The following ASH1L variants were observed in gnomAD, a reference collection of about 807,000 sequenced individuals.
ASH1L encodes the protein ASH1 like histone lysine methyltransferase, also known as histone-lysine N-methyltransferase ASH1L.
ASH1L carries 23 observed loss-of-function variants against 269.0 expected under a neutral mutation model. The observed-to-expected ratio is 0.09, with a 90% CI of 0.06 to 0.12. The LOEUF (loss-of-function observed/expected upper bound fraction) is 0.12. ASH1L is among the 10% of genes least tolerant of loss of function. The pLI is 1.00. For synonymous variants in ASH1L, 1,187 were observed against 1,253.5 expected (o/e 0.95, Z 1.12); for missense variants, 2,912 against 3,567.8 (o/e 0.82, Z 4.68).
chr1:155,458,480 T>G (rs914943150), intron 4 of ASH1L, among the ~76,000 whole-genome samples: 3 of 152,192 alleles, frequency 2.0e-5, no homozygotes, highest in Admixed American at 6.5e-5. Context: ...TTTTGGAGGC[T>G]GAGGCCGGCA....
intron 4 of ASH1L, among the ~76,000 whole-genome samples, chr1:155,450,572 A>G (rs1663390083): frequency 6.6e-6 from 1 of 152,222 alleles, no homozygotes; most frequent in South Asian, 2.1e-4. Context: ...GAAGTTGAAA[A>G]AACTGGAACA....
chr1:155,439,108 A>G (rs1390034086), intron 4 of ASH1L, 40 bp from the exon 5 acceptor site: 6 of 1,544,418 alleles, frequency 3.9e-6, no homozygotes, highest in Non-Finnish European at 5.2e-6. Context: ...AAAATTGGAC[A>G]CGGCTAGTTA....
At chr1:155,559,836 C>T (rs1671838916) in intron 1 of ASH1L, among the ~76,000 whole-genome samples, 1 of 152,072 alleles carries the variant, frequency 6.6e-6, no homozygotes, top group Admixed American at 6.6e-5. Flanking sequence ...TATAACTAAG[C>T]TAAACTCCAA....
At chr1:155,499,192 T>C (rs1667350666) in intron 2 of ASH1L, among the ~76,000 whole-genome samples, 2 of 152,276 alleles carry the variant, frequency 1.3e-5, no homozygotes, top group Admixed American at 6.5e-5. Context: ...GATAAAATAA[T>C]GGCAATACTA....
chr1:155,534,188 A>G (rs981304915), intron 1 of ASH1L, among the ~76,000 whole-genome samples: 4 of 151,456 alleles, frequency 2.6e-5, no homozygotes, highest in African/African-American at 7.3e-5. Context: ...AAGAAAAAAA[A>G]AAAAAATTTG....
intron 4 of ASH1L, among the ~76,000 whole-genome samples, chr1:155,445,011 A>C (rs1170369613): frequency 6.6e-6 from 1 of 152,038 alleles, no homozygotes; most frequent in Non-Finnish European, 1.5e-5. Flanking sequence ...CTATTCTTCT[A>C]AAAGTTTTAT....
In ASH1L at chr1:155,562,265, C is replaced by G. The variant is rs556494825; in HGVS notation, c.-212G>C. 1 of 1,610,050 alleles carries G rather than the reference C, an allele frequency of 6.2e-7. No individual in the cohort carries two copies. Among genetic ancestry groups the G allele is most frequent in the African/African-American group, 1.3e-5 (1 of 74,968 alleles). On this transcript the variant is annotated 5_prime_UTR_variant, in exon 1 of 28. Coordinates refer to ENST00000392403, the MANE Select transcript of ASH1L (RefSeq NM_018489.3). ...CTGGGTCCACGGCGGATCCCTCCCG[C>G]TTGTCAGGAGGCGGCCAGCGGGTAA...
chr1:155,555,126 A>C (rs955703514), intron 1 of ASH1L, among the ~76,000 whole-genome samples: 9 of 142,458 alleles, frequency 6.3e-5, no homozygotes, highest in African/African-American at 2.3e-4. Context: ...TTGGGGACAG[A>C]GTGAGAAACC....
At chr1:155,458,225 G>A (rs147443687) in intron 4 of ASH1L, among the ~76,000 whole-genome samples, 12 of 152,294 alleles carry the variant, frequency 7.9e-5, no homozygotes, top group Non-Finnish European at 1.6e-4. Flanking sequence ...CTAACAAAGA[G>A]CTTCTAAAGA....
intron 15 of ASH1L, among the ~76,000 whole-genome samples, 178 bp downstream of exon 15, chr1:155,357,132 TTAAAAA>T (rs1379065168): frequency 3.0e-4 from 2 of 6,648 alleles, no homozygotes; most frequent in Admixed American, 3.7e-3. Flanking sequence ...AGGGTAAGAC[TTAAAAA>T]AAAAAAAAAA....
At chr1:155,562,894 G>C (rs777645339), upstream of ASH1L, 5 of 370,402 alleles carry the variant, frequency 1.3e-5, no homozygotes, top group South Asian at 9.2e-5. Context: ...CGCCGCCGCC[G>C]CCAGCCCCCC....
At chr1:155,360,507 G>T in intron 12 of ASH1L, 98 bp from the exon 13 acceptor site, 1 of 696,578 alleles carries the variant, frequency 1.4e-6, no homozygotes. Context: ...GCAGTGGTGC[G>T]ATCTTGGCTC....
At chr1:155,456,067 C>T (rs72704176) in intron 4 of ASH1L, among the ~76,000 whole-genome samples, 2,170 of 152,202 alleles carry the variant, frequency 0.014, 23 homozygotes, top group Middle Eastern at 0.024. Context: ...ACCAGACTCC[C>T]AGCCACCAGG....
intron 4 of ASH1L, among the ~76,000 whole-genome samples, chr1:155,442,787 T>G (rs1252576168): frequency 6.6e-6 from 1 of 152,074 alleles, no homozygotes; most frequent in Non-Finnish European, 1.5e-5. Context: ...CTCATCATGT[T>G]TTTTCTTGAT....
chr1:155,436,779 G>A (rs767363802), intron 5 of ASH1L, among the ~76,000 whole-genome samples: 4 of 151,742 alleles, frequency 2.6e-5, no homozygotes, highest in Non-Finnish European at 5.9e-5. Context: ...ACAGGCGTGA[G>A]CCACCACGCC....
chr1:155,440,642 T>G, intron 4 of ASH1L: 1 of 344,254 alleles, frequency 2.9e-6, no homozygotes, highest in Non-Finnish European at 4.1e-6. Context: ...CTCCAACCTT[T>G]AAATGCTATA....
chr1:155,347,636 C>T lies in ASH1L; in HGVS notation c.7803+20G>A. On this transcript the variant is annotated intron_variant, in intron 20 of 27. Transcript: ENST00000392403. ...CGTGTTCATCAGGACCAAGCTTCTG[C>T]TTCATTTCCTGACCCTCACCATGCA... The T allele has an allele frequency of 6.2e-7, 1 of 1,612,648 alleles. No individual in the cohort carries two copies. The highest frequency in any genetic ancestry group is 8.5e-7 in the Non-Finnish European group (1 of 1,179,556).
chr1:155,427,770 C>T (rs116641362), intron 5 of ASH1L, among the ~76,000 whole-genome samples: 3,160 of 152,206 alleles, frequency 0.021, 108 homozygotes, highest in African/African-American at 0.073. Context: ...GCCCTGCCCA[C>T]ATCTCACGCT....
At chr1:155,550,420 A>T (rs552008287) in intron 1 of ASH1L, among the ~76,000 whole-genome samples, 1 of 152,308 alleles carries the variant, frequency 6.6e-6, no homozygotes, top group South Asian at 2.1e-4. Flanking sequence ...CTTGAAATAC[A>T]AAACTAGATA....
Sources: gnomAD v4.1 joint callset for allele counts (sites outside exome capture counted in the v4.1 genomes callset) on GRCh38, gnomAD v4.1.1 for gene constraint, MANE v1.5 for transcripts, NCBI Gene and HGNC (gene_info 2026-07-23, HGNC 2026-07-21) for gene names.